Variants in PRR5 observed in about 807,000 individuals in gnomAD.
PRR5 encodes proline-rich protein 5.
A neutral mutation model predicts 30.6 loss-of-function variants in PRR5; 25 were observed. The ratio of observed to expected loss-of-function variants is 0.82; its 90% CI spans 0.60 to 1.14. PRR5 has a LOEUF of 1.14. Among genes scored for constraint, PRR5 ranks in the 50% most tolerant of loss-of-function variants. The probability of loss-of-function intolerance (pLI) is 0.00; values close to 1 mark genes in which losing one functional copy is unlikely to be tolerated. For synonymous variants in PRR5, 286 were observed against 247.1 expected, an observed-to-expected ratio of 1.16 and a Z score of -1.48; for missense variants, 600 against 547.1, an observed-to-expected ratio of 1.10 and a Z score of -0.96.
chr22:44,721,424 G>A (rs1295182989), intron 2 of PRR5, among the ~76,000 whole-genome samples: 1 of 152,152 alleles, frequency 6.6e-6, no homozygotes, highest in Non-Finnish European at 1.5e-5. Context: ...GCAAACATCC[G>A]ATTGGTTGTG....
intron 1 of PRR5, among the ~76,000 whole-genome samples, chr22:44,713,652 C>T (rs904075727): frequency 2.0e-5 from 3 of 152,246 alleles, no homozygotes; most frequent in South Asian, 2.1e-4. Context: ...AGGCGTGAAC[C>T]GCCATGCCCG....
At chr22:44,702,717 G>T in intron 1 of PRR5, 109 bp downstream of exon 1, 1 of 1,219,794 alleles carries the variant, frequency 8.2e-7, no homozygotes, top group Non-Finnish European at 1.0e-6. Flanking sequence ...TGCCGAAGGC[G>T]GCGCGGCGCT....
intron 1 of PRR5, among the ~76,000 whole-genome samples, chr22:44,677,404 C>T (rs944425509): frequency 2.0e-5 from 3 of 152,226 alleles, no homozygotes; most frequent in Admixed American, 6.5e-5. Context: ...AGCCCCACTC[C>T]GTTTCAGCCC....
At chr22:44,692,483 C>T (rs1221495484) in intron 1 of PRR5, among the ~76,000 whole-genome samples, 2 of 137,012 alleles carry the variant, frequency 1.5e-5, no homozygotes, top group African/African-American at 5.2e-5. Context: ...CCGGGGGCTC[C>T]TCCTCCCAGG....
At chr22:44,711,934 G>A (rs913319515) in intron 1 of PRR5, among the ~76,000 whole-genome samples, 3 of 152,162 alleles carry the variant, frequency 2.0e-5, no homozygotes, top group Non-Finnish European at 4.4e-5. Flanking sequence ...TGCCGTTGGG[G>A]GACAGCTGGT....
intron 1 of PRR5, among the ~76,000 whole-genome samples, chr22:44,706,266 C>CATTCATTCATTCGTTT (rs1927185828): frequency 6.6e-6 from 1 of 152,160 alleles, no homozygotes; most frequent in Admixed American, 6.5e-5. Context: ...TTGATTGATT[C>CATTCATTCATTCGTTT]ATTCATTCAT....
chr22:44,670,479 C>T (rs974336209), intron 1 of PRR5, among the ~76,000 whole-genome samples: 1 of 152,186 alleles, frequency 6.6e-6, no homozygotes, highest in Non-Finnish European at 1.5e-5. Flanking sequence ...CATCATATTA[C>T]CCCCACTCAT....
chr22:44,686,533 A>G (rs1438759888), intron 1 of PRR5, among the ~76,000 whole-genome samples: 4 of 151,460 alleles, frequency 2.6e-5, no homozygotes, highest in Non-Finnish European at 5.9e-5. Context: ...TTGTTTTGAG[A>G]TGGAGTCTCG....
upstream of PRR5, chr22:44,702,148 C>G: frequency 2.5e-6 from 1 of 395,592 alleles, no homozygotes; most frequent in Non-Finnish European, 3.5e-6. Flanking sequence ...CCCTTCCCCG[C>G]CCCGCCCCCC....
chr22:44,702,123 CG>C, upstream of PRR5: 1 of 245,520 alleles, frequency 4.1e-6, no homozygotes, highest in Non-Finnish European at 6.7e-6. Context: ...CCGCCCCGCC[CG>C]CGATGCCCCC....
chr22:44,686,663 A>T (rs555574595), intron 1 of PRR5, among the ~76,000 whole-genome samples: 1 of 152,084 alleles, frequency 6.6e-6, no homozygotes, highest in African/African-American at 2.4e-5. Context: ...TTACAGGTGT[A>T]CACCACCACG....
chr22:44,707,428 C>T (rs1331917454), intron 1 of PRR5, among the ~76,000 whole-genome samples: 1 of 152,190 alleles, frequency 6.6e-6, no homozygotes. Flanking sequence ...CCGGCAGGGT[C>T]AGGCGGCCCG....
intron 7 of PRR5, among the ~76,000 whole-genome samples, chr22:44,735,786 G>T (rs534618067): frequency 6.6e-6 from 1 of 152,330 alleles, no homozygotes; most frequent in African/African-American, 2.4e-5. Context: ...GACAGAGCTG[G>T]GGCAAGGCCC....
intron 1 of PRR5, among the ~76,000 whole-genome samples, chr22:44,688,845 G>A (rs978480101): frequency 4.6e-5 from 7 of 152,090 alleles, no homozygotes; most frequent in South Asian, 2.1e-4. Context: ...AAAATTAGCC[G>A]GGCATGGTGG....
Position 44,735,046 on chromosome 22 carries a change from G to C in PRR5, c.575G>C (p.Gly192Ala), listed in dbSNP as rs943149895. Residue 192 changes from glycine (G) to alanine (A), a missense_variant, in exon 7 of 8, where the codon GGC becomes GCC. By Grantham distance (60) the Gly-to-Ala change is moderately conservative (BLOSUM62 0). Coordinates refer to ENST00000336985, the MANE Select transcript of PRR5 (RefSeq NM_181333.4). ...LVLQGVHESR[G>A]VTEDYLRLET... ...CTGCAGGGGGTACATGAGTCCAGGG[G>C]CGTGACTGAGGACTACCTGCGCCTG... The C allele has an allele frequency of 1.2e-6, 2 of 1,612,686 alleles. No individual in the cohort carries two copies. The highest frequency in any genetic ancestry group is 1.7e-6 in the Non-Finnish European group (2 of 1,179,602).
upstream of PRR5, chr22:44,676,782 G>C (rs944783888): frequency 6.6e-6 from 1 of 152,426 alleles, no homozygotes; most frequent in Non-Finnish European, 1.5e-5. Context: ...CTGTACCTTG[G>C]ACCTGGCCAG....
Position 44,731,715 on chromosome 22 carries a change from C to T in PRR5, c.323-15C>T, listed in dbSNP as rs766609303. 42 of 1,612,582 alleles carry T rather than the reference C, an allele frequency of 2.6e-5. No homozygotes were observed. Among genetic ancestry groups the T allele is most frequent in the Non-Finnish European group, 3.6e-5 (42 of 1,179,206 alleles). ...CGCCAGTCAGGCCCAGTGGTGATGG[C>T]CCCCATGCCCACAGGACAGAAGCTG... On this transcript the variant is annotated splice_polypyrimidine_tract_variant and intron_variant, in intron 4 of 7. Coordinates refer to ENST00000336985, the MANE Select transcript of PRR5 (RefSeq NM_181333.4).
chr22:44,730,277 G>A (rs577188722), intron 4 of PRR5: 5 of 985,046 alleles, frequency 5.1e-6, no homozygotes, highest in South Asian at 9.4e-5. Context: ...AGAGACAGCC[G>A]GCAACGCTTC....
intron 5 of PRR5, among the ~76,000 whole-genome samples, chr22:44,732,047 G>C (rs564011783): frequency 2.0e-5 from 3 of 152,350 alleles, no homozygotes; most frequent in Admixed American, 6.5e-5. Context: ...GCACAGCGTA[G>C]GGGCTCTGTG....
Sources: allele counts gnomAD v4.1 joint callset (sites outside exome capture counted in the v4.1 genomes callset), GRCh38; gene constraint gnomAD v4.1.1; transcripts MANE v1.5; gene names NCBI Gene and HGNC (gene_info 2026-07-23, HGNC 2026-07-21).